KCNIP4: variants seen among roughly 807,000 people sequenced by gnomAD.
The protein encoded by KCNIP4 is potassium voltage-gated channel interacting protein 4, also known as Kv channel-interacting protein 4.
A neutral mutation model predicts 34.0 loss-of-function variants in KCNIP4; 12 were observed. The ratio of observed to expected loss-of-function variants is 0.35; its 90% CI spans 0.23 to 0.57. KCNIP4 has a LOEUF of 0.57. KCNIP4 is among the 20% of genes least tolerant of loss of function. The pLI, the probability that KCNIP4 is intolerant of heterozygous loss-of-function variation, is 0.83. For synonymous variants in KCNIP4, 124 were observed against 102.2 expected (o/e 1.21, Z -1.29); for missense variants, 238 against 311.7 (o/e 0.76, Z 1.78).
intron 2 of KCNIP4, among the ~76,000 whole-genome samples, chr4:20,851,175 C>T (rs552272013): frequency 2.0e-5 from 3 of 152,272 alleles, no homozygotes; most frequent in Non-Finnish European, 2.9e-5. Flanking sequence ...ATTAGCTGTT[C>T]TTCCTGATCC....
chr4:21,877,693 T>C (rs775786498), intron 1 of KCNIP4, among the ~76,000 whole-genome samples: 1 of 152,192 alleles, frequency 6.6e-6, no homozygotes, highest in Non-Finnish European at 1.5e-5. Context: ...CTGAAGAACT[T>C]AGTTCCATTT....
At chr4:21,192,925 C>A (rs62295282) in intron 1 of KCNIP4, among the ~76,000 whole-genome samples, 14,701 of 77,750 alleles carry the variant, frequency 0.19, 948 homozygotes, top group African/African-American at 0.39. Context: ...TCTACTACTA[C>A]TACTACTACT....
intron 5 of KCNIP4, among the ~76,000 whole-genome samples, chr4:20,746,338 T>C (rs1265965287): frequency 1.3e-5 from 2 of 150,230 alleles, no homozygotes; most frequent in Non-Finnish European, 3.0e-5. Flanking sequence ...CACACGGACA[T>C]AGGAAGGGGA....
At chr4:20,973,205 A>C (rs988674958) in intron 1 of KCNIP4, among the ~76,000 whole-genome samples, 9 of 152,208 alleles carry the variant, frequency 5.9e-5, no homozygotes, top group African/African-American at 1.7e-4. Flanking sequence ...AAATCTGTTT[A>C]GTGTACTCAC....
chr4:21,194,081 A>T (rs1249183620), intron 1 of KCNIP4, among the ~76,000 whole-genome samples: 1 of 152,158 alleles, frequency 6.6e-6, no homozygotes, highest in Non-Finnish European at 1.5e-5. Context: ...ATGGCACTAA[A>T]GACACTTTTA....
At chr4:21,815,958 A>C (rs1015814912) in intron 1 of KCNIP4, among the ~76,000 whole-genome samples, 2 of 152,174 alleles carry the variant, frequency 1.3e-5, no homozygotes, top group African/African-American at 4.8e-5. Flanking sequence ...CCAATAAAAA[A>C]AGTTCAATTT....
intron 1 of KCNIP4, among the ~76,000 whole-genome samples, chr4:21,627,239 C>G (rs1185735357): frequency 3.9e-5 from 6 of 152,130 alleles, no homozygotes; most frequent in Non-Finnish European, 5.9e-5. Context: ...ACACTGCATT[C>G]TACACTAGGC....
chr4:21,557,523 C>A (rs1739167140), intron 1 of KCNIP4, among the ~76,000 whole-genome samples: 2 of 152,030 alleles, frequency 1.3e-5, no homozygotes, highest in African/African-American at 4.8e-5. Context: ...TTTCTAAAGT[C>A]CCTGAAAATC....
chr4:21,929,030 G>C (rs1027461464), intron 1 of KCNIP4, among the ~76,000 whole-genome samples: 1 of 152,038 alleles, frequency 6.6e-6, no homozygotes, highest in Non-Finnish European at 1.5e-5. Context: ...TCAGCACTTA[G>C]GAGGAGTAAA....
intron 1 of KCNIP4, among the ~76,000 whole-genome samples, chr4:21,428,126 A>C (rs1207571502): frequency 6.6e-6 from 1 of 152,150 alleles, no homozygotes; most frequent in African/African-American, 2.4e-5. Context: ...GCAGTATCTG[A>C]GTGGGCTTTT....
At chr4:20,904,313 A>G (rs1002288515) in intron 1 of KCNIP4, among the ~76,000 whole-genome samples, 1 of 143,024 alleles carries the variant, frequency 7.0e-6, no homozygotes, top group Non-Finnish European at 1.5e-5. Context: ...AAAACTATAT[A>G]TATGTATGTG....
chr4:21,862,902 A>T (rs1725168520), intron 1 of KCNIP4, among the ~76,000 whole-genome samples: 1 of 150,660 alleles, frequency 6.6e-6, no homozygotes. Context: ...CGGAGCTTGC[A>T]GTGAGCCCAG....
intron 1 of KCNIP4, among the ~76,000 whole-genome samples, chr4:20,889,906 A>G (rs1332307818): frequency 1.3e-5 from 2 of 152,146 alleles, no homozygotes; most frequent in East Asian, 1.9e-4. Flanking sequence ...ATTACTTTTC[A>G]TCTCATAAAT....
intron 1 of KCNIP4, among the ~76,000 whole-genome samples, chr4:21,293,293 A>G (rs776638752): frequency 3.9e-5 from 6 of 152,196 alleles, no homozygotes; most frequent in Admixed American, 1.3e-4. Flanking sequence ...GGAGTCAAGT[A>G]TGTTACCCAA....
At chr4:21,615,772 C>G (rs1344590355) in intron 1 of KCNIP4, among the ~76,000 whole-genome samples, 1 of 152,058 alleles carries the variant, frequency 6.6e-6, no homozygotes, top group Non-Finnish European at 1.5e-5. Context: ...TTCTTTACTC[C>G]TCTTGTTCTC....
In KCNIP4 at chr4:20,802,277, A is replaced by ACATATATGC. The variant is rs1414206938; in HGVS notation, c.289-43388_289-43387insGCATATATG. On this transcript the variant is annotated intron_variant, in intron 3 of 8. Coordinates refer to ENST00000382152, the MANE Select transcript of KCNIP4 (RefSeq NM_025221.6). ...GCTACATATATGCTATATATATGCT[A>ACATATATGC]TATATATATGCAATATATATATGCA... Among the ~76,000 whole-genome samples, 147 of 47,558 alleles carry ACATATATGC rather than the reference A, an allele frequency of 3.1e-3. 19 individuals are homozygous for ACATATATGC. The highest frequency in any genetic ancestry group is 7.7e-3 in the African/African-American group (127 of 16,528). 31.2% of individuals were successfully genotyped at this position (47,558 alleles called of 152,430 possible). A position where few individuals can be genotyped will look rare whatever the true frequency, so the allele number is the denominator to read the frequency against.
intron 1 of KCNIP4, among the ~76,000 whole-genome samples, chr4:21,869,500 G>A (rs1458951840): frequency 6.6e-6 from 1 of 152,032 alleles, no homozygotes; most frequent in East Asian, 1.9e-4. Flanking sequence ...CCTGGGCCAC[G>A]ATCCTTCTAA....
intron 1 of KCNIP4, among the ~76,000 whole-genome samples, chr4:21,773,702 G>A (rs1241781609): frequency 6.7e-6 from 1 of 148,300 alleles, no homozygotes; most frequent in East Asian, 2.0e-4. Context: ...TTTAAAGTCT[G>A]TTTTGTAGGA....
At chr4:21,681,453 C>T (rs1750343374) in intron 1 of KCNIP4, among the ~76,000 whole-genome samples, 1 of 152,110 alleles carries the variant, frequency 6.6e-6, no homozygotes, top group African/African-American at 2.4e-5. Context: ...AGAGGAACAA[C>T]ATTTATCAAT....
Sources: allele counts gnomAD v4.1 joint callset (sites outside exome capture counted in the v4.1 genomes callset), GRCh38; gene constraint gnomAD v4.1.1; transcripts MANE v1.5; gene names NCBI Gene and HGNC (gene_info 2026-07-23, HGNC 2026-07-21).